Variants in DPYSL2 observed in about 807,000 individuals in gnomAD.
DPYSL2 encodes the protein dihydropyrimidinase-related protein 2.
A neutral mutation model predicts 69.9 loss-of-function variants in DPYSL2; 13 were observed. The observed-to-expected ratio is 0.19, with a 90% CI of 0.12 to 0.30. The LOEUF (loss-of-function observed/expected upper bound fraction) is 0.30, where lower values mean the gene tolerates loss of function less well. Ranked by LOEUF, DPYSL2 falls within the 10% of genes least tolerant of loss-of-function variation. DPYSL2 has a pLI of 1.00. For synonymous variants in DPYSL2, 326 were observed against 359.1 expected (o/e 0.91, Z 1.04); for missense variants, 587 against 918.9 (o/e 0.64, Z 4.67).
In DPYSL2 at chr8:26,621,512, T is replaced by C. The variant is rs1802481694; in HGVS notation, c.629-2631T>C. ...CCAGAAGGAAATATTCCATCACTTA[T>C]TTAGAGCATTCATTTGGCTCTTCCC... On this transcript the variant is annotated intron_variant, in intron 3 of 13. Transcript: ENST00000521913. The surrounding 1 kb of genome is among the most constrained non-coding windows in gnomAD (Gnocchi z 4.9). Among the ~76,000 whole-genome samples the C allele has an allele frequency of 6.6e-6, 1 of 152,158 alleles. No individual in the cohort carries two copies. Among genetic ancestry groups the C allele is most frequent in the Non-Finnish European group, 1.5e-5 (1 of 68,022 alleles).
chr8:26,641,708 C>T lies in DPYSL2; in HGVS notation c.1127-1731C>T, dbSNP rs1803052371. Among the ~76,000 whole-genome samples, 1 of 152,206 alleles carries T rather than the reference C, an allele frequency of 6.6e-6. No homozygotes were observed. Among genetic ancestry groups the T allele is most frequent in the Non-Finnish European group, 1.5e-5 (1 of 68,034 alleles). On this transcript the variant is annotated intron_variant, in intron 8 of 13. Transcript: ENST00000521913. This position sits in a 1 kb window ranked among gnomAD's most constrained non-coding sequence, Gnocchi z 4.1. ...AGCACCTAGCACTGGCCCTTTTCTT[C>T]CTTGGGGCTTCCTTCTGGAGGAGGT...
At chr8:26,518,324 T>C (rs573813872) in intron 1 of DPYSL2, among the ~76,000 whole-genome samples, 9 of 152,228 alleles carry the variant, frequency 5.9e-5, no homozygotes, top group African/African-American at 2.2e-4. Context: ...CCACCCGGGT[T>C]CAAAAGGAGG....
chr8:26,619,123 G>T lies in DPYSL2; in HGVS notation c.629-5020G>T, dbSNP rs1433019087. Among the ~76,000 whole-genome samples the T allele has an allele frequency of 2.0e-5, 3 of 152,232 alleles. No individual in the cohort carries two copies. The highest frequency in any genetic ancestry group is 7.2e-5 in the African/African-American group (3 of 41,538). On this transcript the variant is annotated intron_variant, in intron 3 of 13. Transcript: ENST00000521913. The surrounding 1 kb of genome is among the most constrained non-coding windows in gnomAD (Gnocchi z 4.8). Reference sequence around the variant, plus strand: ...GTTGCCAAGGCTGCCCTCTTGGAGGGGCCGATAGCTCAGGGAGGTCACCAG... The same window carrying T: ...GTTGCCAAGGCTGCCCTCTTGGAGGTGCCGATAGCTCAGGGAGGTCACCAG...
chr8:26,584,974 G>A (rs879575062), intron 3 of DPYSL2, among the ~76,000 whole-genome samples: 3 of 152,138 alleles, frequency 2.0e-5, no homozygotes, highest in Non-Finnish European at 4.4e-5. Context: ...CTGTGACACA[G>A]CACACATAAT....
At chr8:26,542,202 C>T (rs940052768) in intron 1 of DPYSL2, among the ~76,000 whole-genome samples, 6 of 152,048 alleles carry the variant, frequency 3.9e-5, no homozygotes, top group African/African-American at 9.7e-5. Flanking sequence ...GTGGGAGAAT[C>T]GCTTGAGGCT....
In DPYSL2 at chr8:26,619,190, G is replaced by C. The variant is rs547244272; in HGVS notation, c.629-4953G>C. Among the ~76,000 whole-genome samples, 3 of 152,176 alleles carry C rather than the reference G, an allele frequency of 2.0e-5. No homozygotes were observed. Among genetic ancestry groups the C allele is most frequent in the South Asian group, 2.1e-4 (1 of 4,834 alleles). ...CTCTGTGCAAGTCATTTTCAGGCTTGTGTCCTCAGTGGGGACTCTACTCCC... is the reference window on the plus strand; with the variant it reads ...CTCTGTGCAAGTCATTTTCAGGCTTCTGTCCTCAGTGGGGACTCTACTCCC... On this transcript the variant is annotated intron_variant, in intron 3 of 13. Coordinates refer to ENST00000521913, the MANE Select transcript of DPYSL2 (RefSeq NM_001197293.3). The surrounding 1 kb of genome is among the most constrained non-coding windows in gnomAD (Gnocchi z 4.8).
Position 26,514,073 on chromosome 8 carries a change from A to C in DPYSL2, c.-253A>C, listed in dbSNP as rs1043591954. The C allele has an allele frequency of 2.9e-6, 1 of 346,392 alleles. No individual in the cohort carries two copies. 21.5% of individuals were successfully genotyped at this position (346,392 alleles called of 1,614,324 possible). Reference sequence around the variant, plus strand: ...CGCAGCGGACGCCCTCCCAGATCCAACTTTGCCGCTTCCCCGAGCTCGCGC... The same window carrying C: ...CGCAGCGGACGCCCTCCCAGATCCACCTTTGCCGCTTCCCCGAGCTCGCGC... On this transcript the variant is annotated 5_prime_UTR_variant, in exon 1 of 14. Transcript: ENST00000521913. This position sits in a 1 kb window ranked among gnomAD's most constrained non-coding sequence, Gnocchi z 8.4.
At chr8:26,646,959 A>T (rs1252090873) in intron 10 of DPYSL2, among the ~76,000 whole-genome samples, 1 of 151,958 alleles carries the variant, frequency 6.6e-6, no homozygotes, top group African/African-American at 2.4e-5. Context: ...CTCTAGCCTC[A>T]ATGACAGCAA....
chr8:26,568,782 A>G (rs952946599), intron 1 of DPYSL2, among the ~76,000 whole-genome samples: 2 of 139,666 alleles, frequency 1.4e-5, no homozygotes, highest in Non-Finnish European at 3.1e-5. Context: ...CAGAATCGAC[A>G]CAGATTCTGA....
intron 1 of DPYSL2, among the ~76,000 whole-genome samples, chr8:26,553,149 A>G (rs1315771349): frequency 1.3e-5 from 2 of 152,250 alleles, no homozygotes; most frequent in East Asian, 1.9e-4. Flanking sequence ...TTAAAGAAAT[A>G]CAATAGAAAA....
In DPYSL2 at chr8:26,642,986, A is replaced by G. The variant is rs1317958304; in HGVS notation, c.1127-453A>G. 1 of 154,550 alleles carries G rather than the reference A, an allele frequency of 6.5e-6. No homozygotes were observed. Among genetic ancestry groups the G allele is most frequent in the Non-Finnish European group, 1.4e-5 (1 of 69,698 alleles). The allele number at this position is 154,550 out of a possible 1,614,324, so 9.6% of individuals were successfully genotyped here. ...GATTTCCTCCCGCAGACCTTTAGTC[A>G]GAGCTAGACACTGTGAAGGGCTAGG... is the stretch of plus-strand genomic sequence containing the variant. On this transcript the variant is annotated intron_variant, in intron 8 of 13. Coordinates refer to ENST00000521913, the MANE Select transcript of DPYSL2 (RefSeq NM_001197293.3). This position sits in a 1 kb window ranked among gnomAD's most constrained non-coding sequence, Gnocchi z 5.3.
At chr8:26,556,125 A>AG (rs1563384789) in intron 1 of DPYSL2, among the ~76,000 whole-genome samples, 1 of 9,642 alleles carries the variant, frequency 1.0e-4, no homozygotes, top group African/African-American at 2.6e-4. Context: ...TACTATATAT[A>AG]TTATATATAC....
chr8:26,556,056 A>G (rs1800944338), intron 1 of DPYSL2, among the ~76,000 whole-genome samples: 2 of 88,598 alleles, frequency 2.3e-5, no homozygotes, highest in East Asian at 2.9e-4. Flanking sequence ...TATAGTATAT[A>G]TAAATTATGT....
rs140047324 is a variant in DPYSL2, at chr8:26,593,434, G to A, written c.628+9451G>A. On this transcript the variant is annotated intron_variant, in intron 3 of 13. Transcript: ENST00000521913. The surrounding 1 kb of genome is among the most constrained non-coding windows in gnomAD (Gnocchi z 5.7). ...GGACTTCTGTTGAAACCGAATGAAT[G>A]TCTGCCAAGATTTTCCGAAACCCAG... 1.2e-4 allele frequency among the ~76,000 whole-genome samples: 19 copies of A among 152,290 alleles called. No individual in the cohort carries two copies. The East Asian group carries it at 2.7e-3, about 22-fold the overall frequency.
chr8:26,591,226 T>C lies in DPYSL2; in HGVS notation c.628+7243T>C, dbSNP rs945416001. Among the ~76,000 whole-genome samples the C allele has an allele frequency of 1.3e-5, 2 of 152,184 alleles. No individual in the cohort carries two copies. The highest frequency in any genetic ancestry group is 6.5e-5 in the Admixed American group (1 of 15,286). ...CCCTAAAGCTGGGTCACACAGACTATTGGGAACTTCCTGTCGATCCTGCTG... is the reference window on the plus strand; with the variant it reads ...CCCTAAAGCTGGGTCACACAGACTACTGGGAACTTCCTGTCGATCCTGCTG... On this transcript the variant is annotated intron_variant, in intron 3 of 13. Coordinates refer to ENST00000521913, the MANE Select transcript of DPYSL2 (RefSeq NM_001197293.3). This position sits in a 1 kb window ranked among gnomAD's most constrained non-coding sequence, Gnocchi z 5.8.
chr8:26,579,955 C>G (rs1234568327), intron 1 of DPYSL2, among the ~76,000 whole-genome samples: 1 of 3,348 alleles, frequency 3.0e-4, no homozygotes, highest in Non-Finnish European at 2.0e-3. Context: ...TTAAAGAGCG[C>G]CCCCCCCCCC....
Position 26,627,866 on chromosome 8 carries a change from T to C in DPYSL2, c.937-6T>C, listed in dbSNP as rs375962425. 3.7e-4 allele frequency: 595 copies of C among 1,613,366 alleles called. No individual in the cohort carries two copies. The highest frequency in any genetic ancestry group is 4.7e-4 in the Non-Finnish European group (554 of 1,179,938). On this transcript the variant is annotated splice_polypyrimidine_tract_variant and splice_region_variant and intron_variant, in intron 6 of 13. Coordinates refer to ENST00000521913, the MANE Select transcript of DPYSL2 (RefSeq NM_001197293.3). This position sits in a 1 kb window ranked among gnomAD's most constrained non-coding sequence, Gnocchi z 6.9. ...CTCACAGCCTGACTTTCTCTAAACA[T>C]TGCAGGAGCAGCAGAGGATCCTGGA...
intron 1 of DPYSL2, among the ~76,000 whole-genome samples, chr8:26,530,113 CAAAAA>C (rs34448431): frequency 1.4e-5 from 1 of 72,040 alleles, no homozygotes; most frequent in East Asian, 4.4e-4. Context: ...ACTCCGTCTC[CAAAAA>C]AAAAAAAAAA....
chr8:26,618,064 G>A (rs1432674268), intron 3 of DPYSL2, among the ~76,000 whole-genome samples: 1 of 152,150 alleles, frequency 6.6e-6, no homozygotes, highest in Non-Finnish European at 1.5e-5. Flanking sequence ...TTTAATAGAA[G>A]TCATAATAAG....
Sources: gnomAD v4.1 joint callset for allele counts (sites outside exome capture counted in the v4.1 genomes callset) on GRCh38, gnomAD v4.1.1 for gene constraint, Gnocchi (gnomAD v3.1) non-coding constraint, MANE v1.5 for transcripts, NCBI Gene and HGNC (gene_info 2026-07-23, HGNC 2026-07-21) for gene names.